The following TBC1D15 variants were observed in gnomAD, a reference collection of about 807,000 sequenced individuals.
TBC1D15 encodes GAP for RAB7.
A neutral mutation model predicts 95.4 loss-of-function variants in TBC1D15; 39 were observed. That is an observed-to-expected ratio of 0.41 (90% CI 0.32 to 0.53). TBC1D15 has a LOEUF of 0.53. Among genes scored for constraint, TBC1D15 ranks in the 20% least tolerant of loss-of-function variants. The probability of loss-of-function intolerance (pLI) is 0.29; values close to 1 mark genes in which losing one functional copy is unlikely to be tolerated. For synonymous variants in TBC1D15, 258 were observed against 261.3 expected (o/e 0.99, Z 0.12); for missense variants, 733 against 794.3 (o/e 0.92, Z 0.93).
Position 71,917,732 on chromosome 12 carries a change from A to T in TBC1D15, c.1436A>T (p.Lys479Met), listed in dbSNP as rs1456705493. Residue 479 changes from lysine to methionine, a missense_variant, in exon 13 of 17, where the codon AAG (lysine) becomes ATG (methionine). Physicochemically the swap from Lys to Met is moderately conservative, Grantham distance 95 (BLOSUM62 -1). Coordinates refer to ENST00000485960, the MANE Select transcript of TBC1D15 (RefSeq NM_001146213.3). Reference sequence around the variant, plus strand: ...TTTGAAGAACAAATGCAAGGCATGAAGACCCAGCTAATTCAGCTGAGTACC... The same window carrying T: ...TTTGAAGAACAAATGCAAGGCATGATGACCCAGCTAATTCAGCTGAGTACC... ...QNFEEQMQGM[K>M]TQLIQLSTLL... 2 of 1,612,774 alleles carry T rather than the reference A, an allele frequency of 1.2e-6. No individual in the cohort carries two copies. Among genetic ancestry groups the T allele is most frequent in the Non-Finnish European group, 1.7e-6 (2 of 1,179,172 alleles).
chr12:71,859,851 G>A (rs1467444379), intron 1 of TBC1D15, among the ~76,000 whole-genome samples: 2 of 152,078 alleles, frequency 1.3e-5, no homozygotes, highest in African/African-American at 4.8e-5. Flanking sequence ...CCTCAGGTGA[G>A]CTGCCTGACT....
intron 5 of TBC1D15, among the ~76,000 whole-genome samples, chr12:71,886,350 A>G (rs1328210543): frequency 1.3e-5 from 2 of 152,124 alleles, no homozygotes; most frequent in Non-Finnish European, 2.9e-5. Flanking sequence ...TGTATTTTTT[A>G]GTAGAGACAG....
chr12:71,853,727 G>T (rs1406926798), intron 1 of TBC1D15, among the ~76,000 whole-genome samples: 1 of 152,128 alleles, frequency 6.6e-6, no homozygotes, highest in Non-Finnish European at 1.5e-5. Context: ...AAGTTGCTTG[G>T]AGTCAGTTGG....
intron 9 of TBC1D15, 88 bp downstream of exon 9, chr12:71,896,868 GA>G: frequency 1.1e-6 from 1 of 909,934 alleles, no homozygotes; most frequent in Non-Finnish European, 1.6e-6. Flanking sequence ...TGAGGATTTG[GA>G]ATAGACTGGG....
chr12:71,894,206 T>C, intron 6 of TBC1D15: 1 of 788,246 alleles, frequency 1.3e-6, no homozygotes, highest in Admixed American at 2.4e-5. Flanking sequence ...ACTATTCATA[T>C]AATTAGATTA....
At chr12:71,904,558 A>C (rs539829699) in intron 10 of TBC1D15, among the ~76,000 whole-genome samples, 74 of 152,286 alleles carry the variant, frequency 4.9e-4, no homozygotes, top group African/African-American at 1.8e-3. Context: ...TAATTACTAG[A>C]GTAACTAGAT....
At chr12:71,854,908 T>G (rs554794397) in intron 1 of TBC1D15, 1 of 454,942 alleles carries the variant, frequency 2.2e-6, no homozygotes, top group African/African-American at 2.0e-5. Context: ...CAAAATTCCT[T>G]CAGTACCCTT....
chr12:71,880,498 G>A lies in TBC1D15; in HGVS notation c.234G>A (p.Gln78=). 1 of 1,607,456 alleles carries A rather than the reference G, an allele frequency of 6.2e-7. No individual in the cohort carries two copies. Among genetic ancestry groups the A allele is most frequent in the Non-Finnish European group, 8.5e-7 (1 of 1,176,102 alleles). ...KDSSSVVEWT[Q]APKERGHRGS... is the part of the protein sequence containing the mutation. Reference sequence around the variant, plus strand: ...CCAGTTCAGTTGTAGAATGGACTCAGGCCCCAAAAGAAAGAGGTCATCGAG... The same window carrying A: ...CCAGTTCAGTTGTAGAATGGACTCAAGCCCCAAAAGAAAGAGGTCATCGAG... Residue 78 remains glutamine (Q), a synonymous_variant, in exon 4 of 17, where the codon CAG becomes CAA. Transcript: ENST00000485960.
intron 5 of TBC1D15, among the ~76,000 whole-genome samples, chr12:71,888,012 G>T (rs951623350): frequency 4.6e-5 from 7 of 152,206 alleles, no homozygotes; most frequent in Non-Finnish European, 8.8e-5. Context: ...TAGAAGACAG[G>T]TTTTAGCTCA....
intron 1 of TBC1D15, among the ~76,000 whole-genome samples, chr12:71,859,104 A>G (rs1227510076): frequency 1.3e-5 from 2 of 151,704 alleles, no homozygotes; most frequent in Non-Finnish European, 1.5e-5. Context: ...CATTTTTTTC[A>G]TATACCTGTT....
chr12:71,885,039 T>G lies in TBC1D15; in HGVS notation c.554+18T>G, dbSNP rs1895968227. 2 of 1,609,460 alleles carry G rather than the reference T, an allele frequency of 1.2e-6. No individual in the cohort carries two copies. Among genetic ancestry groups the G allele is most frequent in the South Asian group, 2.2e-5 (2 of 90,940 alleles). On this transcript the variant is annotated intron_variant, in intron 5 of 16. Coordinates refer to ENST00000485960, the MANE Select transcript of TBC1D15 (RefSeq NM_001146213.3). ...TTGTGTGAGTAAGTATCATATTATT[T>G]TCTACTTATTGAAACCAGATCATTG... is the stretch of plus-strand genomic sequence containing the variant.
chr12:71,847,681 C>T (rs1465476646), intron 1 of TBC1D15, among the ~76,000 whole-genome samples: 13 of 149,990 alleles, frequency 8.7e-5, no homozygotes, highest in East Asian at 4.0e-4. Flanking sequence ...GGTGACAGAG[C>T]GAGACTGTCT....
At position 71,907,145 on chromosome 12, in the gene TBC1D15, T is replaced by A; in HGVS notation, c.1300+7T>A. Reference sequence around the variant, plus strand: ...ATGTATGATTTTGATTTAGGTAAGTTCTCTAAAGTTCTAATTTTAAAAGAT... The same window carrying A: ...ATGTATGATTTTGATTTAGGTAAGTACTCTAAAGTTCTAATTTTAAAAGAT... On this transcript the variant is annotated splice_region_variant and intron_variant, in intron 11 of 16. Transcript: ENST00000485960. 6.8e-7 allele frequency: 1 copy of A among 1,478,170 alleles called. No homozygotes were observed. Among genetic ancestry groups the A allele is most frequent in the Non-Finnish European group, 9.3e-7 (1 of 1,072,866 alleles). 91.6% of individuals were successfully genotyped at this position (1,478,170 alleles called of 1,614,324 possible).
rs1173673205 is a variant in TBC1D15 at position 71,884,759 on chromosome 12, A to G, written c.344-52A>G. On this transcript the variant is annotated intron_variant, in intron 4 of 16. Coordinates refer to ENST00000485960, the MANE Select transcript of TBC1D15 (RefSeq NM_001146213.3). The stretch of plus-strand genomic sequence containing the variant: ...GGCAGTCATGGAGAGCACTGTCAGT[A>G]CCTTTTAAAAAGGTGAACAAAAATA... The G allele has an allele frequency of 1.8e-5, 29 of 1,568,882 alleles. No homozygotes were observed. In the Admixed American group the frequency reaches 2.9e-4, roughly 16 times the overall value.
chr12:71,917,792 A>G lies in TBC1D15; in HGVS notation c.1496A>G (p.Tyr499Cys), dbSNP rs1445282994. Residue 499 changes from tyrosine to cysteine, a missense_variant, in exon 13 of 17, where the codon TAC (tyrosine) becomes TGC (cysteine). By Grantham distance (194) the Tyr-to-Cys change is radical. Coordinates refer to ENST00000485960, the MANE Select transcript of TBC1D15 (RefSeq NM_001146213.3). ...TTGTTAGACAGTGGATTTTGCAGTTACTTAGGTAAGTTTAGTGAATCAGAA... is the reference window on the plus strand; with the variant it reads ...TTGTTAGACAGTGGATTTTGCAGTTGCTTAGGTAAGTTTAGTGAATCAGAA... ...LRLLDSGFCS[Y>C]LESQDSGYLY... is the part of the protein sequence containing the mutation. 6.2e-7 allele frequency: 1 copy of G among 1,608,104 alleles called. No homozygotes were observed. Among genetic ancestry groups the G allele is most frequent in the Non-Finnish European group, 8.5e-7 (1 of 1,175,122 alleles).
chr12:71,864,298 G>T (rs1056537171), intron 1 of TBC1D15, among the ~76,000 whole-genome samples: 1 of 152,018 alleles, frequency 6.6e-6, no homozygotes, highest in Non-Finnish European at 1.5e-5. Context: ...TTGATCTCTT[G>T]ACCTCATGAT....
At chr12:71,857,261 A>T (rs1278426468) in intron 1 of TBC1D15, among the ~76,000 whole-genome samples, 1 of 151,996 alleles carries the variant, frequency 6.6e-6, no homozygotes, top group African/African-American at 2.4e-5. Flanking sequence ...GAACCTTTTA[A>T]TTTTTGCGTT....
In TBC1D15 at chr12:71,884,942, G is replaced by A. The variant is rs779730555; in HGVS notation, c.475G>A (p.Val159Ile). 17 of 1,613,970 alleles carry A rather than the reference G, an allele frequency of 1.1e-5. No individual in the cohort carries two copies. Among genetic ancestry groups the A allele is most frequent in the South Asian group, 5.5e-5 (5 of 91,072 alleles). ...YLVFCLKDDV[V>I]LPALHFHQGD... ...GGTATTCTGTCTAAAGGATGACGTC[G>A]TTCTCCCTGCTCTACACTTTCATCA... Residue 159 changes from valine to isoleucine, a missense_variant, in exon 5 of 17, where the codon GTT (valine) becomes ATT (isoleucine). By Grantham distance (29) the Val-to-Ile change is conservative (BLOSUM62 3). Coordinates refer to ENST00000485960, the MANE Select transcript of TBC1D15 (RefSeq NM_001146213.3).
intron 9 of TBC1D15, 35 bp from the exon 10 acceptor site, chr12:71,897,812 A>T: frequency 3.2e-6 from 5 of 1,547,956 alleles, no homozygotes; most frequent in Non-Finnish European, 4.5e-6. Flanking sequence ...AAAGTTTTCA[A>T]ATAGCTTTCT....
Sources: allele counts gnomAD v4.1 joint callset (sites outside exome capture counted in the v4.1 genomes callset), GRCh38; gene constraint gnomAD v4.1.1; transcripts MANE v1.5; gene names NCBI Gene and HGNC (gene_info 2026-07-23, HGNC 2026-07-21).